SLC24A4: variants seen among roughly 807,000 people sequenced by gnomAD.
The protein encoded by SLC24A4 is solute carrier family 24 member 4.
A neutral mutation model predicts 79.0 loss-of-function variants in SLC24A4; 53 were observed. The observed-to-expected ratio is 0.67, with a 90% confidence interval of 0.54 to 0.84. The LOEUF (loss-of-function observed/expected upper bound fraction) is 0.84, where lower values mean the gene tolerates loss of function less well. Ranked by LOEUF, SLC24A4 falls within the 40% of genes least tolerant of loss-of-function variation. The pLI is 0.00. For missense variants in SLC24A4, 731 were observed against 822.0 expected, an observed-to-expected ratio of 0.89 and a Z score of 1.35; for synonymous variants, 323 against 323.8, an observed-to-expected ratio of 1.00 and a Z score of 0.03.
At chr14:92,479,239 G>A (rs947868561) in intron 12 of SLC24A4, among the ~76,000 whole-genome samples, 4 of 152,224 alleles carry the variant, frequency 2.6e-5, no homozygotes, top group African/African-American at 9.6e-5. Flanking sequence ...GAAGGAGTAA[G>A]AGCAGACATC....
intron 2 of SLC24A4, among the ~76,000 whole-genome samples, chr14:92,348,276 C>G (rs1886656370): frequency 6.6e-6 from 1 of 152,224 alleles, no homozygotes; most frequent in African/African-American, 2.4e-5. Context: ...ATCTAAAGCA[C>G]TTGGCATGGT....
rs771453292 is a variant in SLC24A4 at position 92,493,624 on chromosome 14, A to T, written c.1865A>T (p.Asp622Val). The change falls in exon 17 of 17, where the codon GAT (aspartate) becomes GTT (valine). Residue 622 changes from aspartate (D) to valine (V), a missense_variant. Transcript: ENST00000532405. ...FVNLPMCREDD is the reference protein window; with the variant it reads ...FVNLPMCREDV ...AACTTGCCGATGTGCCGGGAAGACGATTAGCGCTGAGTCGCGGCCCCTGGG... is the reference window on the plus strand; with the variant it reads ...AACTTGCCGATGTGCCGGGAAGACGTTTAGCGCTGAGTCGCGGCCCCTGGG... 3 of 1,614,156 alleles carry T rather than the reference A, an allele frequency of 1.9e-6. No homozygotes were observed. The highest frequency in any genetic ancestry group is 1.7e-6 in the Non-Finnish European group (2 of 1,180,012).
intron 2 of SLC24A4, among the ~76,000 whole-genome samples, chr14:92,402,508 T>C (rs888440475): frequency 2.6e-5 from 4 of 152,152 alleles, no homozygotes; most frequent in Non-Finnish European, 5.9e-5. Context: ...GAAAATGTTA[T>C]TCCTTTGGAG....
chr14:92,370,763 T>C (rs1280634710), intron 2 of SLC24A4, among the ~76,000 whole-genome samples: 2 of 152,170 alleles, frequency 1.3e-5, no homozygotes, highest in Non-Finnish European at 1.5e-5. Context: ...CCTCAGCAAA[T>C]TGGATGAAAA....
At chr14:92,487,976 G>GCTC (rs796277416) in intron 14 of SLC24A4, among the ~76,000 whole-genome samples, 40 of 142,614 alleles carry the variant, frequency 2.8e-4, no homozygotes, top group Admixed American at 4.7e-4. Context: ...TCCTCCTCCT[G>GCTC]CTCCTCCTCC....
At chr14:92,466,655 T>G (rs1365181172) in intron 12 of SLC24A4, among the ~76,000 whole-genome samples, 1 of 152,260 alleles carries the variant, frequency 6.6e-6, no homozygotes, top group Non-Finnish European at 1.5e-5. Context: ...TTTTTCTGTT[T>G]AGATCGAATC....
upstream of SLC24A4, among the ~76,000 whole-genome samples, chr14:92,323,028 T>TTC (rs201309880): frequency 9.2e-5 from 14 of 151,634 alleles, no homozygotes; most frequent in African/African-American, 3.4e-4. This position sits in a 1 kb window ranked among gnomAD's most constrained non-coding sequence, Gnocchi z 4.9. Context: ...GAGGTCCAAC[T>TTC]ACTGAAGAGA....
In SLC24A4 at chr14:92,431,674, G is replaced by A. The variant is rs984860071; in HGVS notation, c.242-2238G>A. On this transcript the variant is annotated intron_variant, in intron 2 of 16. Transcript: ENST00000532405. ...TAATAAGGATGACTGATTCGTCACCGTAGAAGCCATTCGTTCTCCTCCATA... is the reference window on the plus strand; with the variant it reads ...TAATAAGGATGACTGATTCGTCACCATAGAAGCCATTCGTTCTCCTCCATA... 6.6e-5 allele frequency among the ~76,000 whole-genome samples: 10 copies of A among 152,298 alleles called. No individual in the cohort carries two copies. The South Asian group carries it at 8.3e-4, about 13-fold the overall frequency.
chr14:92,361,066 C>T (rs1321163540), intron 2 of SLC24A4, among the ~76,000 whole-genome samples: 1 of 152,184 alleles, frequency 6.6e-6, no homozygotes, highest in Non-Finnish European at 1.5e-5. Flanking sequence ...CCCGGAGCCT[C>T]TGCTTTCAGG....
chr14:92,355,272 G>A (rs1416276837), intron 2 of SLC24A4, among the ~76,000 whole-genome samples: 1 of 152,172 alleles, frequency 6.6e-6, no homozygotes, highest in Non-Finnish European at 1.5e-5. Context: ...TGGGGACAAG[G>A]AGGTGAGTGT....
intron 2 of SLC24A4, among the ~76,000 whole-genome samples, chr14:92,340,267 C>T (rs1012353525): frequency 6.6e-6 from 1 of 152,212 alleles, no homozygotes; most frequent in Non-Finnish European, 1.5e-5. Context: ...AATCCCAGTC[C>T]TCAGTGAGCC....
At chr14:92,347,695 G>A (rs1214784638) in intron 2 of SLC24A4, among the ~76,000 whole-genome samples, 7 of 152,136 alleles carry the variant, frequency 4.6e-5, no homozygotes, top group South Asian at 2.1e-4. Context: ...TTGGGAGGGC[G>A]AGGTGGGTGA....
intron 2 of SLC24A4, among the ~76,000 whole-genome samples, chr14:92,366,791 G>C (rs1219759978): frequency 6.6e-6 from 1 of 152,154 alleles, no homozygotes; most frequent in Non-Finnish European, 1.5e-5. Context: ...GTGGGTTTTC[G>C]CAAGTGTTTT....
chr14:92,466,848 C>CT (rs1894157476), intron 12 of SLC24A4, among the ~76,000 whole-genome samples: 1 of 152,204 alleles, frequency 6.6e-6, no homozygotes, highest in African/African-American at 2.4e-5. Flanking sequence ...CTCCCATTGT[C>CT]TATGATGCTT....
intron 12 of SLC24A4, among the ~76,000 whole-genome samples, chr14:92,460,746 C>T (rs1446836916): frequency 6.6e-6 from 1 of 152,220 alleles, no homozygotes; most frequent in Non-Finnish European, 1.5e-5. Flanking sequence ...TCTTTATACA[C>T]TGTCTCCCAC....
rs925524535 is a variant in SLC24A4 at position 92,441,367 on chromosome 14, G to C, written c.394-722G>C. Among the ~76,000 whole-genome samples, 1 of 152,228 alleles carries C rather than the reference G, an allele frequency of 6.6e-6. No homozygotes were observed. The highest frequency in any genetic ancestry group is 2.4e-5 in the African/African-American group (1 of 41,456). Reference sequence around the variant, plus strand: ...TGGCCAGACATGACCCGGACAGGCAGAACAGGCCCCAACCATGAGTTCCCG... The same window carrying C: ...TGGCCAGACATGACCCGGACAGGCACAACAGGCCCCAACCATGAGTTCCCG... On this transcript the variant is annotated intron_variant, in intron 4 of 16. Transcript: ENST00000532405. This position sits in a 1 kb window ranked among gnomAD's most constrained non-coding sequence, Gnocchi z 4.6.
chr14:92,479,837 G>A (rs1163826414), intron 12 of SLC24A4, among the ~76,000 whole-genome samples: 1 of 152,140 alleles, frequency 6.6e-6, no homozygotes, highest in Admixed American at 6.5e-5. Flanking sequence ...TCTGGTCCTG[G>A]CTTTACTTTA....
intron 12 of SLC24A4, among the ~76,000 whole-genome samples, chr14:92,472,618 A>G (rs1470037608): frequency 6.6e-6 from 1 of 152,170 alleles, no homozygotes; most frequent in Non-Finnish European, 1.5e-5. Context: ...CATCATATAT[A>G]TGTGCACATA....
chr14:92,379,329 CCT>C (rs1888694026), intron 2 of SLC24A4, among the ~76,000 whole-genome samples: 1 of 152,058 alleles, frequency 6.6e-6, no homozygotes, highest in African/African-American at 2.4e-5. Flanking sequence ...CACAGGATCC[CCT>C]GAGTTCACCA....
Sources: gnomAD v4.1 joint callset for allele counts (sites outside exome capture counted in the v4.1 genomes callset) on GRCh38, gnomAD v4.1.1 for gene constraint, Gnocchi (gnomAD v3.1) non-coding constraint, MANE v1.5 for transcripts, NCBI Gene and HGNC (gene_info 2026-07-23, HGNC 2026-07-21) for gene names.